Variants in NOVA1 observed in about 807,000 individuals in gnomAD.
The protein encoded by NOVA1 is NOVA alternative splicing regulator 1.
In NOVA1, 7 loss-of-function variants were observed where a neutral mutation model predicts 38.0. The ratio of observed to expected loss-of-function variants is 0.18; its 90% CI spans 0.10 to 0.35. The LOEUF is 0.35. Ranked by LOEUF, NOVA1 falls within the 10% of genes least tolerant of loss-of-function variation. The pLI is 1.00. For synonymous variants in NOVA1, 270 were observed against 232.5 expected (o/e 1.16, Z -1.47); for missense variants, 460 against 616.0 (o/e 0.75, Z 2.68).
At position 26,472,349 on chromosome 14, in the gene NOVA1, C is replaced by G; in HGVS notation, c.490G>C (p.Asp164His). The G allele has an allele frequency of 6.3e-7, 1 of 1,591,310 alleles. No individual in the cohort carries two copies. Among genetic ancestry groups the G allele is most frequent in the Non-Finnish European group, 8.6e-7 (1 of 1,166,482 alleles). The change falls in exon 4 of 5, where the codon GAT becomes CAT. Residue 164 changes from aspartate (D) to histidine (H), a missense_variant. Coordinates refer to ENST00000539517, the MANE Select transcript of NOVA1 (RefSeq NM_002515.3). The stretch of plus-strand genomic sequence containing the variant: ...TTAGCTCTGGAGGTGGTCATGGGAT[C>G]AGATGGAGAGGACTTGGTGGTAGTT... ...SPTTTKSSPSDPMTTSRANQV... is the reference protein window; with the variant it reads ...SPTTTKSSPSHPMTTSRANQV...
intron 2 of NOVA1, among the ~76,000 whole-genome samples, chr14:26,569,967 C>T (rs181644404): frequency 1.1e-4 from 17 of 152,280 alleles, no homozygotes; most frequent in Admixed American, 9.2e-4. Flanking sequence ...CTGTATCTTC[C>T]ATTTCTGGCT....
chr14:26,518,634 T>G (rs1040904081), intron 2 of NOVA1, among the ~76,000 whole-genome samples: 3 of 152,118 alleles, frequency 2.0e-5, no homozygotes, highest in African/African-American at 4.8e-5. Context: ...TTCACACATT[T>G]ATCATTTCTT....
intron 2 of NOVA1, chr14:26,593,918 C>T (rs545388265): frequency 2.0e-5 from 3 of 151,984 alleles, no homozygotes; most frequent in African/African-American, 4.8e-5. Context: ...CATCTATTGA[C>T]AGTGAATTTA....
intron 4 of NOVA1, among the ~76,000 whole-genome samples, chr14:26,468,422 C>A (rs1232142665): frequency 1.3e-5 from 2 of 152,170 alleles, no homozygotes; most frequent in African/African-American, 2.4e-5. Flanking sequence ...ACACTGATTG[C>A]AGCCCTGTGA....
At position 26,587,842 on chromosome 14, in the gene NOVA1, T is replaced by C. The variant is rs759518205; in HGVS notation, c.280+7568A>G. On this transcript the variant is annotated intron_variant, in intron 2 of 4. Transcript: ENST00000539517. ...ACTATTCTGTGTTACTGAAATGCACTACTATTGGTTCTATTCTGCCCTTCC... is the reference window on the plus strand; with the variant it reads ...ACTATTCTGTGTTACTGAAATGCACCACTATTGGTTCTATTCTGCCCTTCC... Among the ~76,000 whole-genome samples the C allele has an allele frequency of 5.8e-4, 87 of 151,202 alleles. 1 individual carries two copies. Among genetic ancestry groups the C allele is most frequent in the Admixed American group, 1.3e-3 (19 of 15,124 alleles).
At chr14:26,503,754 TTAGC>T (rs1233842834) in intron 2 of NOVA1, among the ~76,000 whole-genome samples, 1 of 151,954 alleles carries the variant, frequency 6.6e-6, no homozygotes, top group Non-Finnish European at 1.5e-5. Flanking sequence ...CATCCAGAGG[TTAGC>T]TAAATAAACT....
In NOVA1 at chr14:26,595,500, T is replaced by C. The variant is rs776831856; in HGVS notation, c.190A>G (p.Ile64Val). 1.9e-6 allele frequency: 3 copies of C among 1,613,718 alleles called. No individual in the cohort carries two copies. The highest frequency in any genetic ancestry group is 1.1e-5 in the South Asian group (1 of 91,074). Residue 64 changes from isoleucine (I) to valine (V), a missense_variant, in exon 2 of 5, where the codon ATA becomes GTA. Transcript: ENST00000539517. Reference sequence around the variant, plus strand: ...ATTGTCTGTCCTCCCTTCCCAATTATAGATCCAGCAGCATAACTAGGTATG... The same window carrying C: ...ATTGTCTGTCCTCCCTTCCCAATTACAGATCCAGCAGCATAACTAGGTATG... ...VLIPSYAAGS[I>V]IGKGGQTIVQ... is the part of the protein sequence containing the mutation.
chr14:26,566,963 G>A (rs8021364), intron 2 of NOVA1, among the ~76,000 whole-genome samples: 37,915 of 151,858 alleles, frequency 0.25, 5,598 homozygotes, highest in African/African-American at 0.4. Context: ...TGGGAATACC[G>A]TTAATATCTT....
intron 3 of NOVA1, among the ~76,000 whole-genome samples, chr14:26,473,621 T>TA (rs769083032): frequency 9.4e-4 from 142 of 150,932 alleles, no homozygotes; most frequent in Non-Finnish European, 1.6e-3. Flanking sequence ...GAGTTAAAAA[T>TA]AAAAAAAAAG....
intron 4 of NOVA1, chr14:26,472,062 A>G (rs966944954): frequency 2.2e-6 from 1 of 460,104 alleles, no homozygotes; most frequent in Non-Finnish European, 3.8e-6. Context: ...GTGCTCCATT[A>G]GGTAGTCAAA....
intron 3 of NOVA1, among the ~76,000 whole-genome samples, chr14:26,472,776 T>C (rs1436842954): frequency 6.6e-6 from 1 of 151,924 alleles, no homozygotes; most frequent in Non-Finnish European, 1.5e-5. Context: ...AGAGTCACTT[T>C]CCTATCGATG....
intron 2 of NOVA1, among the ~76,000 whole-genome samples, chr14:26,584,574 C>T (rs1220097485): frequency 6.6e-6 from 1 of 151,178 alleles, no homozygotes; most frequent in Non-Finnish European, 1.5e-5. Flanking sequence ...TCTATAGTGC[C>T]TCCTACCACC....
At chr14:26,471,065 T>C (rs1395409173) in intron 4 of NOVA1, among the ~76,000 whole-genome samples, 2 of 144,202 alleles carry the variant, frequency 1.4e-5, no homozygotes, top group African/African-American at 5.1e-5. Flanking sequence ...CAAAGAGAAG[T>C]GTTGGGTTTT....
chr14:26,568,755 T>G (rs955884575), intron 2 of NOVA1, among the ~76,000 whole-genome samples: 1 of 152,170 alleles, frequency 6.6e-6, no homozygotes, highest in African/African-American at 2.4e-5. Context: ...AACTTCCTGT[T>G]CCAGGTGGGC....
chr14:26,587,005 GA>G (rs1040361203), intron 2 of NOVA1, among the ~76,000 whole-genome samples: 4 of 145,182 alleles, frequency 2.8e-5, no homozygotes, highest in East Asian at 2.0e-4. Flanking sequence ...AGAAGGGAGG[GA>G]AAAAAAAAGT....
At chr14:26,460,432 A>C (rs1883559080) in intron 4 of NOVA1, among the ~76,000 whole-genome samples, 1 of 151,988 alleles carries the variant, frequency 6.6e-6, no homozygotes, top group Admixed American at 6.6e-5. Flanking sequence ...CATAAATCAT[A>C]TATAAAATAT....
chr14:26,581,849 G>C (rs61988062), intron 2 of NOVA1, among the ~76,000 whole-genome samples: 6,229 of 151,702 alleles, frequency 0.041, 187 homozygotes, highest in South Asian at 0.098. Context: ...AAATAAACAG[G>C]TTCATTATTA....
chr14:26,554,232 G>A (rs1270718468), intron 2 of NOVA1, among the ~76,000 whole-genome samples: 1 of 151,542 alleles, frequency 6.6e-6, no homozygotes, highest in Non-Finnish European at 1.5e-5. Flanking sequence ...TCAGTGTGAG[G>A]CAGTGGAGCA....
At chr14:26,549,096 G>A (rs1353523235) in intron 2 of NOVA1, among the ~76,000 whole-genome samples, 1 of 152,116 alleles carries the variant, frequency 6.6e-6, no homozygotes, top group East Asian at 1.9e-4. Flanking sequence ...GGTTGAGGCT[G>A]CAGTGAGCCA....
Sources: allele counts gnomAD v4.1 joint callset (sites outside exome capture counted in the v4.1 genomes callset), GRCh38; gene constraint gnomAD v4.1.1; transcripts MANE v1.5; gene names NCBI Gene and HGNC (gene_info 2026-07-23, HGNC 2026-07-21).